SLC6A9: variants seen among roughly 807,000 people sequenced by gnomAD.
The protein encoded by SLC6A9 is solute carrier family 6 member 9, also known as sodium- and chloride-dependent glycine transporter 1.
SLC6A9 carries 31 observed loss-of-function variants against 70.9 expected under a neutral mutation model. That is an observed-to-expected ratio of 0.44 (90% confidence interval 0.33 to 0.59). SLC6A9 has a LOEUF of 0.59. Among genes scored for constraint, SLC6A9 ranks in the 20% least tolerant of loss-of-function variants. SLC6A9 has a pLI of 0.04. For missense variants in SLC6A9, 631 were observed against 845.2 expected, an observed-to-expected ratio of 0.75 and a Z score of 3.14; for synonymous variants, 310 against 341.3, an observed-to-expected ratio of 0.91 and a Z score of 1.01.
chr1:44,018,362 G>A lies in SLC6A9; in HGVS notation c.30+5886C>T, dbSNP rs1171406649. Among the ~76,000 whole-genome samples the A allele has an allele frequency of 1.3e-5, 2 of 152,148 alleles. No individual in the cohort carries two copies. The highest frequency in any genetic ancestry group is 2.9e-5 in the Non-Finnish European group (2 of 68,028). ...AATCCCAGCACTTTGGGAGGCTGAG[G>A]AGGGCAGATCACAAGGTCAGGAGTT... On this transcript the variant is annotated intron_variant, in intron 2 of 13. Transcript: ENST00000372310. The surrounding 1 kb of genome is among the most constrained non-coding windows in gnomAD (Gnocchi z 4.2).
In SLC6A9 at chr1:44,024,258, T is replaced by C. The variant is rs1172610218; in HGVS notation, c.20A>G (p.Lys7Arg). ...GGCCTCTGTACTCACCAGCATCCCT[T>C]TGGCACCTTTTCCTACCATGGCGGC... MVGKGAKGMLNGAVPSE... is the reference protein window; with the variant it reads MVGKGARGMLNGAVPSE... The change falls in exon 2 of 14, where the codon AAA becomes AGA. Residue 7 changes from lysine (K) to arginine (R), a missense_variant. Coordinates refer to ENST00000372310, the MANE Select transcript of SLC6A9 (RefSeq NM_001024845.3). 6.2e-7 allele frequency: 1 copy of C among 1,614,232 alleles called. No homozygotes were observed.
chr1:44,008,104 G>A (rs1420268412), intron 5 of SLC6A9, among the ~76,000 whole-genome samples: 6 of 152,032 alleles, frequency 3.9e-5, no homozygotes, highest in South Asian at 2.1e-4. Context: ...TCCTGACCTC[G>A]TGATCTGCCC....
At chr1:44,025,874 C>G (rs1222864820) in intron 1 of SLC6A9, among the ~76,000 whole-genome samples, 2 of 152,150 alleles carry the variant, frequency 1.3e-5, no homozygotes, top group African/African-American at 4.8e-5. Flanking sequence ...TGGAGCCTTT[C>G]TTGCCTTCCC....
In SLC6A9 at chr1:44,000,943, C is replaced by A. The variant is rs766865254; in HGVS notation, c.1435+13G>T. 1 of 1,603,168 alleles carries A rather than the reference C, an allele frequency of 6.2e-7. No homozygotes were observed. The stretch of plus-strand genomic sequence containing the variant: ...GGGCCGGGTCGCGGGAGGCCGGAGG[C>A]TCGAGTGCTCACCGTAGATGTACAT... On this transcript the variant is annotated intron_variant, in intron 11 of 13. Coordinates refer to ENST00000372310, the MANE Select transcript of SLC6A9 (RefSeq NM_001024845.3).
chr1:44,016,808 G>T (rs961023764), intron 2 of SLC6A9, among the ~76,000 whole-genome samples: 1 of 152,106 alleles, frequency 6.6e-6, no homozygotes, highest in African/African-American at 2.4e-5. Flanking sequence ...TCCTTGGGCT[G>T]GGGGAGCCCT....
intron 12 of SLC6A9, among the ~76,000 whole-genome samples, chr1:43,998,785 G>A (rs965360161): frequency 6.6e-6 from 1 of 152,226 alleles, no homozygotes; most frequent in Non-Finnish European, 1.5e-5. Flanking sequence ...TATGGCCGTG[G>A]AGACAGGGAC....
At position 44,025,604 on chromosome 1, in the gene SLC6A9, A is replaced by G. The variant is rs1352836738; in HGVS notation, c.-85-1242T>C. On this transcript the variant is annotated intron_variant, in intron 1 of 13. Coordinates refer to ENST00000372310, the MANE Select transcript of SLC6A9 (RefSeq NM_001024845.3). ...TACCTGAGCTCAGGAGTTTGAGACC[A>G]TCCTGGCCAACATGGTGAAACCCTG... Among the ~76,000 whole-genome samples the G allele has an allele frequency of 2.6e-5, 4 of 152,010 alleles. No individual in the cohort carries two copies. In the East Asian group the frequency reaches 7.7e-4, roughly 29 times the overall value.
chr1:44,012,598 T>C (rs891453020), intron 2 of SLC6A9, among the ~76,000 whole-genome samples: 1 of 152,248 alleles, frequency 6.6e-6, no homozygotes, highest in Admixed American at 6.5e-5. Context: ...GAAGTGGGAC[T>C]TCAGCAGAGA....
chr1:44,011,446 G>C (rs1278787978), intron 2 of SLC6A9: 7 of 867,092 alleles, frequency 8.1e-6, no homozygotes, highest in Non-Finnish European at 1.1e-5. Context: ...GGGGGGAAAT[G>C]GGGGAGCAGC....
chr1:44,000,377 T>G (rs2086045141), intron 12 of SLC6A9, among the ~76,000 whole-genome samples: 1 of 152,248 alleles, frequency 6.6e-6, no homozygotes, highest in African/African-American at 2.4e-5. Flanking sequence ...GGGCTGCTGC[T>G]GGAACACTGG....
chr1:44,030,748 G>A (rs1175001299), intron 1 of SLC6A9, among the ~76,000 whole-genome samples: 1 of 152,216 alleles, frequency 6.6e-6, no homozygotes, highest in East Asian at 1.9e-4. Flanking sequence ...ACCGGCACCG[G>A]GAGGGCAGAT....
chr1:44,002,955 A>T lies in SLC6A9; in HGVS notation c.621T>A (p.Ile207=). The change falls in exon 6 of 14, where the codon ATT becomes ATA. Residue 207 remains isoleucine, a synonymous_variant. Transcript: ENST00000372310. This position sits in a 1 kb window ranked among gnomAD's most constrained non-coding sequence, Gnocchi z 5.5. ...GCAGCCGCACCTCCCCAAAGTTCCC[A>T]ATGTCATCTGACAGCTTCAGCACGT... ...RLYVLKLSDD[I]GNFGEVRLPL... 6.2e-7 allele frequency: 1 copy of T among 1,614,070 alleles called. No homozygotes were observed. The highest frequency in any genetic ancestry group is 2.2e-5 in the East Asian group (1 of 44,884).
At chr1:44,022,722 C>CTTTCTTTTTCTT (rs1553164497) in intron 2 of SLC6A9, among the ~76,000 whole-genome samples, 3 of 118,956 alleles carry the variant, frequency 2.5e-5, no homozygotes, top group South Asian at 2.6e-4. Flanking sequence ...TTCTTTCTTT[C>CTTTCTTTTTCTT]TTTTTTTTTT....
At chr1:44,010,128 T>G (rs201503234) in intron 3 of SLC6A9, 32 bp from the exon 4 acceptor site, 12 of 1,611,760 alleles carry the variant, frequency 7.4e-6, no homozygotes, top group African/African-American at 1.3e-5. Flanking sequence ...GGCTCAGGAG[T>G]GGGCTTGGAG....
At chr1:44,015,276 G>T (rs973313538) in intron 2 of SLC6A9, among the ~76,000 whole-genome samples, 1 of 152,188 alleles carries the variant, frequency 6.6e-6, no homozygotes, top group African/African-American at 2.4e-5. Context: ...CACCCTGGAC[G>T]GTGACTGTGC....
chr1:44,017,172 C>A, intron 2 of SLC6A9: 1 of 1,599,216 alleles, frequency 6.3e-7, no homozygotes, highest in Non-Finnish European at 8.5e-7. Flanking sequence ...CTGACGCATC[C>A]CCTGCCTCTC....
intron 1 of SLC6A9, among the ~76,000 whole-genome samples, chr1:44,025,955 C>G (rs765082213): frequency 6.6e-6 from 1 of 152,244 alleles, no homozygotes; most frequent in South Asian, 2.1e-4. Flanking sequence ...GTCAAGGGCC[C>G]CTTCTCACCT....
In SLC6A9 at chr1:44,010,200, C is replaced by G. The variant is rs553329194; in HGVS notation, c.188-104G>C. ...GCAAAACCTTCGCGATTGGGTAGGA[C>G]CCAGGGAGGAGTGTGCCAGGCTTGA... On this transcript the variant is annotated intron_variant, in intron 3 of 13. Transcript: ENST00000372310. 122 of 1,291,324 alleles carry G rather than the reference C, an allele frequency of 9.4e-5. No homozygotes were observed. In the Admixed American group the frequency reaches 1.0e-3, roughly 11 times the overall value. 80.0% of individuals were successfully genotyped at this position (1,291,324 alleles called of 1,614,324 possible).
At chr1:44,029,702 G>A (rs1181178398) in intron 1 of SLC6A9, among the ~76,000 whole-genome samples, 1 of 152,140 alleles carries the variant, frequency 6.6e-6, no homozygotes, top group East Asian at 1.9e-4. Context: ...CAGGGCAGAG[G>A]CGTGATTCTT....
Sources: allele counts gnomAD v4.1 joint callset (sites outside exome capture counted in the v4.1 genomes callset), GRCh38; gene constraint gnomAD v4.1.1; non-coding constraint Gnocchi (gnomAD v3.1); transcripts MANE v1.5; gene names NCBI Gene and HGNC (gene_info 2026-07-23, HGNC 2026-07-21).